CSMD1: variants seen among roughly 807,000 people sequenced by gnomAD.
The protein encoded by CSMD1 is CUB and Sushi multiple domains 1, also known as CUB and sushi domain-containing protein 1.
CSMD1 carries 213 observed loss-of-function variants against 417.5 expected under a neutral mutation model. The observed-to-expected ratio is 0.51, with a 90% confidence interval of 0.46 to 0.57. The LOEUF (loss-of-function observed/expected upper bound fraction) is 0.57. Among genes scored for constraint, CSMD1 ranks in the 20% least tolerant of loss-of-function variants. The probability of loss-of-function intolerance (pLI) is 0.00; values close to 1 mark genes in which losing one functional copy is unlikely to be tolerated. For synonymous variants in CSMD1, 2,862 were observed against 1,736.8 expected, an observed-to-expected ratio of 1.65 and a Z score of -16.11; for missense variants, 6,923 against 4,529.7, an observed-to-expected ratio of 1.53 and a Z score of -15.17.
intron 1 of CSMD1, among the ~76,000 whole-genome samples, chr8:4,755,062 C>A (rs1257940310): frequency 1.3e-5 from 2 of 152,058 alleles, no homozygotes; most frequent in South Asian, 2.1e-4. Flanking sequence ...TGCTTGAACC[C>A]GGGAGGCGGA....
chr8:3,260,926 A>G (rs1470620595), intron 26 of CSMD1, among the ~76,000 whole-genome samples: 2 of 152,226 alleles, frequency 1.3e-5, no homozygotes, highest in Non-Finnish European at 2.9e-5. Context: ...TCTTAAAAAT[A>G]TAAAGAATGC....
chr8:3,958,725 G>C (rs936315496), intron 5 of CSMD1, among the ~76,000 whole-genome samples: 47 of 152,232 alleles, frequency 3.1e-4, no homozygotes, highest in African/African-American at 1.1e-3. Context: ...AGGCTTTTGT[G>C]GTTTAAATAC....
At chr8:4,195,552 T>G (rs894328933) in intron 3 of CSMD1, among the ~76,000 whole-genome samples, 1 of 152,278 alleles carries the variant, frequency 6.6e-6, no homozygotes, top group African/African-American at 2.4e-5. Flanking sequence ...GTGATGTGCG[T>G]CTGACCAATA....
At chr8:3,182,124 AATG>A (rs764557007) in intron 36 of CSMD1, among the ~76,000 whole-genome samples, 4 of 152,218 alleles carry the variant, frequency 2.6e-5, no homozygotes, top group Admixed American at 2.0e-4. Context: ...TAAAGGGAGA[AATG>A]ATAATTTAAA....
At chr8:4,818,456 A>C (rs17348228) in intron 1 of CSMD1, among the ~76,000 whole-genome samples, 7,049 of 152,234 alleles carry the variant, frequency 0.046, 243 homozygotes, top group Non-Finnish European at 0.071. Context: ...GTAAATCCAA[A>C]CTTAAATTCA....
chr8:4,883,558 G>A (rs113273115), intron 1 of CSMD1, among the ~76,000 whole-genome samples: 40 of 152,120 alleles, frequency 2.6e-4, no homozygotes, highest in African/African-American at 9.4e-4. Context: ...CCAATTCCAA[G>A]CATTTCGTAT....
At chr8:4,033,419 G>A (rs921441362) in intron 3 of CSMD1, among the ~76,000 whole-genome samples, 2 of 152,164 alleles carry the variant, frequency 1.3e-5, no homozygotes, top group Non-Finnish European at 2.9e-5. Context: ...TCCAGCGTGG[G>A]TGACAGAGCG....
At chr8:3,705,803 T>C (rs1266304142) in intron 7 of CSMD1, among the ~76,000 whole-genome samples, 2 of 152,156 alleles carry the variant, frequency 1.3e-5, no homozygotes, top group Non-Finnish European at 2.9e-5. Flanking sequence ...ACCCAGATCT[T>C]GGGGTGAAGC....
chr8:4,628,145 A>T (rs911620144), intron 2 of CSMD1, among the ~76,000 whole-genome samples: 6 of 151,392 alleles, frequency 4.0e-5, no homozygotes, highest in African/African-American at 1.5e-4. Context: ...ATATATGTAC[A>T]CAGTATCAAA....
At chr8:4,351,340 T>C (rs1393452128) in intron 3 of CSMD1, among the ~76,000 whole-genome samples, 1 of 152,246 alleles carries the variant, frequency 6.6e-6, no homozygotes, top group Non-Finnish European at 1.5e-5. Context: ...AAACATTCAA[T>C]GAAAATTTGA....
At chr8:3,303,169 C>T (rs1031030061) in intron 25 of CSMD1, among the ~76,000 whole-genome samples, 1 of 152,154 alleles carries the variant, frequency 6.6e-6, no homozygotes, top group African/African-American at 2.4e-5. Flanking sequence ...CCTGAGTGGC[C>T]TCATACCTTT....
intron 2 of CSMD1, among the ~76,000 whole-genome samples, chr8:4,487,225 G>T (rs923244712): frequency 1.3e-5 from 2 of 151,944 alleles, no homozygotes; most frequent in African/African-American, 2.4e-5. Context: ...ACAATGTGCC[G>T]GTTTGTTACA....
chr8:3,850,987 C>G (rs771710717), intron 5 of CSMD1, among the ~76,000 whole-genome samples: 9 of 152,112 alleles, frequency 5.9e-5, no homozygotes, highest in Non-Finnish European at 8.8e-5. Flanking sequence ...ATAATAAGTG[C>G]TTCAGCTTAG....
chr8:3,676,068 C>T (rs1267562865), intron 7 of CSMD1, among the ~76,000 whole-genome samples: 1 of 152,220 alleles, frequency 6.6e-6, no homozygotes, highest in African/African-American at 2.4e-5. Flanking sequence ...ATTTGATTAG[C>T]ACCTGTATCT....
chr8:4,660,953 G>GA, intron 1 of CSMD1, among the ~76,000 whole-genome samples: 1 of 152,048 alleles, frequency 6.6e-6, no homozygotes, highest in East Asian at 1.9e-4. Flanking sequence ...AAGCTTAAAA[G>GA]AAAAATGATA....
At position 4,034,897 on chromosome 8, in the gene CSMD1, G is replaced by T. The variant is rs1585175514; in HGVS notation, c.416-2798C>A. Among the ~76,000 whole-genome samples, 7 of 152,206 alleles carry T rather than the reference G, an allele frequency of 4.6e-5. No homozygotes were observed. The South Asian group carries it at 1.5e-3, about 32-fold the overall frequency. On this transcript the variant is annotated intron_variant, in intron 3 of 69. Transcript: ENST00000635120. ...AAATCTATCAAATAAATCTGCTAAA[G>T]ATAACCACAATGACCAGTCATTGTC...
intron 2 of CSMD1, among the ~76,000 whole-genome samples, chr8:4,450,985 G>A (rs1290669075): frequency 6.6e-6 from 1 of 151,274 alleles, no homozygotes; most frequent in East Asian, 1.9e-4. Flanking sequence ...TTTGGGTACT[G>A]AATTGACAGC....
At chr8:3,331,343 A>T (rs1197536596) in intron 23 of CSMD1, among the ~76,000 whole-genome samples, 1 of 152,182 alleles carries the variant, frequency 6.6e-6, no homozygotes, top group Non-Finnish European at 1.5e-5. Flanking sequence ...AACCAGAGGC[A>T]CTGATCAAAA....
Position 3,307,681 on chromosome 8 carries a change from A to C in CSMD1, c.3950+14T>G. On this transcript the variant is annotated intron_variant, in intron 25 of 69. Coordinates refer to ENST00000635120, the MANE Select transcript of CSMD1 (RefSeq NM_033225.6). ...TCTTTTCTCAAATCACTGAAACCAA[A>C]ATAAAACAAGTACCTAATGGTCTTT... 1 of 1,611,638 alleles carries C rather than the reference A, an allele frequency of 6.2e-7. No individual in the cohort carries two copies. Among genetic ancestry groups the C allele is most frequent in the Non-Finnish European group, 8.5e-7 (1 of 1,178,814 alleles).
Sources: gnomAD v4.1 joint callset for allele counts (sites outside exome capture counted in the v4.1 genomes callset) on GRCh38, gnomAD v4.1.1 for gene constraint, MANE v1.5 for transcripts, NCBI Gene and HGNC (gene_info 2026-07-23, HGNC 2026-07-21) for gene names.